The following SCRT2 variants were observed in gnomAD, a reference collection of about 807,000 sequenced individuals.
SCRT2 encodes scratch family transcriptional repressor 2.
SCRT2 carries 2 observed loss-of-function variants against 3.7 expected under a neutral mutation model. The observed-to-expected ratio is 0.54, with a 90% confidence interval of 0.22 to 1.70. The LOEUF is 1.70. Ranked by LOEUF, SCRT2 falls within the 40% of genes most tolerant of loss-of-function variation. The pLI, the probability that SCRT2 is intolerant of heterozygous loss-of-function variation, is 0.19. For missense variants in SCRT2, 456 were observed against 468.5 expected, an observed-to-expected ratio of 0.97 and a Z score of 0.25; for synonymous variants, 256 against 220.6, an observed-to-expected ratio of 1.16 and a Z score of -1.42.
chr20:668,491 C>G (rs537208753), intron 1 of SCRT2, among the ~76,000 whole-genome samples: 42 of 152,166 alleles, frequency 2.8e-4, no homozygotes, highest in Non-Finnish European at 5.7e-4. Context: ...AAAAGAGAAT[C>G]TCAGGTGAGA....
chr20:664,404 A>C lies in SCRT2; in HGVS notation c.191T>G (p.Leu64Arg). ...SSYDADQKPG[L>R]ELAPAEPAYP... ...CGCGGGCTCGGCCGGGGCCAGCTCC[A>C]GGCCCGGCTTCTGGTCCGCATCGTA... is the stretch of plus-strand genomic sequence containing the variant. The change falls in exon 2 of 2, where the codon CTG becomes CGG. Residue 64 changes from leucine to arginine, a missense_variant. By Grantham distance (102) the Leu-to-Arg change is moderately radical. Coordinates refer to ENST00000246104, the MANE Select transcript of SCRT2 (RefSeq NM_033129.4). The surrounding 1 kb of genome is among the most constrained non-coding windows in gnomAD (Gnocchi z 7.9). 7.2e-7 allele frequency: 1 copy of C among 1,380,452 alleles called. No homozygotes were observed. The highest frequency in any genetic ancestry group is 9.5e-7 in the Non-Finnish European group (1 of 1,055,526). The allele number at this position is 1,380,452 out of a possible 1,614,324, so 85.5% of individuals were successfully genotyped here.
chr20:675,046 C>T lies in SCRT2; in HGVS notation c.133+423G>A, dbSNP rs1984482950. On this transcript the variant is annotated intron_variant, in intron 1 of 1. Transcript: ENST00000246104. The surrounding 1 kb of genome is among the most constrained non-coding windows in gnomAD (Gnocchi z 6.9). ...GGAACCAACCCTGTCTCTCCAGGGA[C>T]TGAACATCCAGGGCTCTTTACCTTC... is the stretch of plus-strand genomic sequence containing the variant. Among the ~76,000 whole-genome samples, 1 of 152,134 alleles carries T rather than the reference C, an allele frequency of 6.6e-6. No homozygotes were observed. Among genetic ancestry groups the T allele is most frequent in the East Asian group, 1.9e-4 (1 of 5,178 alleles).
intron 1 of SCRT2, among the ~76,000 whole-genome samples, chr20:673,393 G>C (rs1984408487): frequency 6.6e-6 from 1 of 152,242 alleles, no homozygotes; most frequent in Non-Finnish European, 1.5e-5. Context: ...CTCTTTCACT[G>C]CTGGGGAGGC....
Position 664,409 on chromosome 20 carries a change from C to G in SCRT2, c.186G>C (p.Pro62=). Residue 62 remains proline, a synonymous_variant, in exon 2 of 2, where the codon CCG becomes CCC. Coordinates refer to ENST00000246104, the MANE Select transcript of SCRT2 (RefSeq NM_033129.4). The surrounding 1 kb of genome is among the most constrained non-coding windows in gnomAD (Gnocchi z 7.9). ...PPSSYDADQK[P]GLELAPAEPA... is the part of the protein sequence containing the mutation. Reference sequence around the variant, plus strand: ...GCTCGGCCGGGGCCAGCTCCAGGCCCGGCTTCTGGTCCGCATCGTAGCTGC... The same window carrying G: ...GCTCGGCCGGGGCCAGCTCCAGGCCGGGCTTCTGGTCCGCATCGTAGCTGC... 3 of 1,372,298 alleles carry G rather than the reference C, an allele frequency of 2.2e-6. No homozygotes were observed. Among genetic ancestry groups the G allele is most frequent in the Non-Finnish European group, 2.9e-6 (3 of 1,051,566 alleles). 85.0% of individuals were successfully genotyped at this position (1,372,298 alleles called of 1,614,324 possible). A position where few individuals can be genotyped will look rare whatever the true frequency, so the allele number is the denominator to read the frequency against.
intron 1 of SCRT2, among the ~76,000 whole-genome samples, chr20:671,869 A>C (rs955364450): frequency 6.6e-6 from 1 of 152,144 alleles, no homozygotes; most frequent in Non-Finnish European, 1.5e-5. Context: ...GCCTGGCTCC[A>C]AGCTGGGGTT....
At position 664,099 on chromosome 20, in the gene SCRT2, T is replaced by A; in HGVS notation, c.496A>T (p.Thr166Ser). The A allele has an allele frequency of 1.9e-6, 3 of 1,607,888 alleles. No homozygotes were observed. Among genetic ancestry groups the A allele is most frequent in the Non-Finnish European group, 2.5e-6 (3 of 1,178,914 alleles). The stretch of plus-strand genomic sequence containing the variant: ...TTGTGGCGGCTCAGGTTCGACGACG[T>A]GGCGTAGGTCTTGCCGCACTCGGCG... ...ACAECGKTYA[T>S]SSNLSRHKQT... Residue 166 changes from threonine (T) to serine (S), a missense_variant, in exon 2 of 2, where the codon ACG becomes TCG. Physicochemically the swap from Thr to Ser is moderately conservative, Grantham distance 58. Transcript: ENST00000246104. The surrounding 1 kb of genome is among the most constrained non-coding windows in gnomAD (Gnocchi z 7.9).
At chr20:668,921 C>G (rs1568655010) in intron 1 of SCRT2, among the ~76,000 whole-genome samples, 1 of 152,168 alleles carries the variant, frequency 6.6e-6, no homozygotes. Context: ...TCCCTGTGAG[C>G]CAGACATTGC....
Position 675,698 on chromosome 20 carries a change from G to T in SCRT2, c.-97C>A. ...TTCAGCACTGGACAGCTCCCAGCGG[G>T]CTGGAGCGCGGGAGGCCGCTCGGAG... On this transcript the variant is annotated 5_prime_UTR_variant, in exon 1 of 2. Coordinates refer to ENST00000246104, the MANE Select transcript of SCRT2 (RefSeq NM_033129.4). The surrounding 1 kb of genome is among the most constrained non-coding windows in gnomAD (Gnocchi z 6.9). 2 of 958,246 alleles carry T rather than the reference G, an allele frequency of 2.1e-6. No homozygotes were observed. Among genetic ancestry groups the T allele is most frequent in the Non-Finnish European group, 2.7e-6 (2 of 746,292 alleles). The allele number at this position is 958,246 out of a possible 1,614,324, so 59.4% of individuals were successfully genotyped here.
In SCRT2 at chr20:664,515, C is replaced by G. The variant is rs913308576; in HGVS notation, c.134-54G>C. 35 of 1,180,734 alleles carry G rather than the reference C, an allele frequency of 3.0e-5. No homozygotes were observed. The highest frequency in any genetic ancestry group is 8.4e-5 in the Admixed American group (2 of 23,730). 73.1% of individuals were successfully genotyped at this position (1,180,734 alleles called of 1,614,324 possible). A position where few individuals can be genotyped will look rare whatever the true frequency, so the allele number is the denominator to read the frequency against. On this transcript the variant is annotated intron_variant, in intron 1 of 1. Coordinates refer to ENST00000246104, the MANE Select transcript of SCRT2 (RefSeq NM_033129.4). The surrounding 1 kb of genome is among the most constrained non-coding windows in gnomAD (Gnocchi z 7.9). ...TGAGAGGAGGCGCCGAAGAGGGTTT[C>G]CCGCTTTGAGCGCGTCACCCTTTGC...
In SCRT2 at chr20:664,103, G is replaced by T; in HGVS notation, c.492C>A (p.Tyr164Ter). 6.2e-7 allele frequency: 1 copy of T among 1,606,476 alleles called. No homozygotes were observed. The highest frequency in any genetic ancestry group is 8.5e-7 in the Non-Finnish European group (1 of 1,178,632). ...GGCGGCTCAGGTTCGACGACGTGGC[G>T]TAGGTCTTGCCGCACTCGGCGCACG... is the stretch of plus-strand genomic sequence containing the variant. ...RHACAECGKT[Y>*]ATSSNLSRHK... is the part of the protein sequence containing the mutation. The change falls in exon 2 of 2, where the codon TAC (tyrosine) becomes TAA (stop). Residue 164 changes from tyrosine (Y) to a stop codon, truncating the protein, a stop_gained. Transcript: ENST00000246104. LOFTEE classifies it low-confidence loss of function (END_TRUNC). The surrounding 1 kb of genome is among the most constrained non-coding windows in gnomAD (Gnocchi z 7.9).
intron 1 of SCRT2, among the ~76,000 whole-genome samples, chr20:668,037 G>A (rs1407089248): frequency 3.3e-5 from 5 of 152,136 alleles, no homozygotes; most frequent in Admixed American, 2.0e-4. Flanking sequence ...GCAACCTTGG[G>A]CAAGTTACTT....
chr20:669,290 C>T (rs1411143069), intron 1 of SCRT2, among the ~76,000 whole-genome samples: 2 of 152,202 alleles, frequency 1.3e-5, no homozygotes, highest in African/African-American at 2.4e-5. Context: ...GCTTTGTGCA[C>T]ATTAGCTCAT....
Position 664,408 on chromosome 20 carries a change from C to T in SCRT2, c.187G>A (p.Gly63Ser). The T allele has an allele frequency of 1.5e-6, 2 of 1,375,456 alleles. No individual in the cohort carries two copies. The highest frequency in any genetic ancestry group is 1.9e-6 in the Non-Finnish European group (2 of 1,053,062). The allele number at this position is 1,375,456 out of a possible 1,614,324, so 85.2% of individuals were successfully genotyped here. Residue 63 changes from glycine (G) to serine (S), a missense_variant, in exon 2 of 2, where the codon GGC becomes AGC. Physicochemically the swap from Gly to Ser is moderately conservative, Grantham distance 56. Around this residue, in one of 3 missense-constraint regions of SCRT2, gnomAD observed 306 missense variants for 305.3 expected, o/e 1.00. Transcript: ENST00000246104. This position sits in a 1 kb window ranked among gnomAD's most constrained non-coding sequence, Gnocchi z 7.9. ...GGCTCGGCCGGGGCCAGCTCCAGGC[C>T]CGGCTTCTGGTCCGCATCGTAGCTG... ...PSSYDADQKP[G>S]LELAPAEPAY...
chr20:670,584 G>C (rs1984302356), intron 1 of SCRT2, among the ~76,000 whole-genome samples: 1 of 152,240 alleles, frequency 6.6e-6, no homozygotes, highest in South Asian at 2.1e-4. Flanking sequence ...CTTTGGGCAA[G>C]TCACGGCCTC....
In SCRT2 at chr20:663,856, T is replaced by G; in HGVS notation, c.739A>C (p.Lys247Gln). The G allele has an allele frequency of 1.9e-6, 3 of 1,598,160 alleles. No homozygotes were observed. Among genetic ancestry groups the G allele is most frequent in the Non-Finnish European group, 2.6e-6 (3 of 1,174,696 alleles). Residue 247 changes from lysine to glutamine, a missense_variant, in exon 2 of 2, where the codon AAG becomes CAG. Lys to Gln is a moderately conservative substitution (Grantham distance 53). Around this residue, in one of 3 missense-constraint regions of SCRT2, gnomAD observed 144 missense variants for 141.9 expected, o/e 1.01. Coordinates refer to ENST00000246104, the MANE Select transcript of SCRT2 (RefSeq NM_033129.4). This position sits in a 1 kb window ranked among gnomAD's most constrained non-coding sequence, Gnocchi z 6.9. ...EKPFGCAHCG[K>Q]AFADRSNLRA... ...AGGTTGGAGCGGTCGGCGAAGGCCT[T>G]GCCGCAGTGCGCGCAGCCGAACGGC...
At chr20:672,525 G>A (rs1259977334) in intron 1 of SCRT2, among the ~76,000 whole-genome samples, 5 of 151,768 alleles carry the variant, frequency 3.3e-5, no homozygotes, top group Admixed American at 3.3e-4. Flanking sequence ...TTTAATTTGG[G>A]GTTCTGCATC....
intron 1 of SCRT2, among the ~76,000 whole-genome samples, chr20:674,399 TCACACACACACACACACACACACA>T (rs57092015): frequency 9.4e-6 from 1 of 106,732 alleles, no homozygotes; most frequent in African/African-American, 4.0e-5. Flanking sequence ...TCTCTCTCTC[TCACACACACACACACACACACACA>T]CACACACACA....
At chr20:674,237 A>G (rs1984436648) in intron 1 of SCRT2, among the ~76,000 whole-genome samples, 1 of 151,946 alleles carries the variant, frequency 6.6e-6, no homozygotes, top group Non-Finnish European at 1.5e-5. Flanking sequence ...AATGTGGGTG[A>G]AGTGCTTGGA....
Position 675,757 on chromosome 20 carries a change from C to CGGGCTT in SCRT2, c.-162_-157dup. Reference sequence around the variant, plus strand: ...GGTGGCGGCGGCCCCGGCTCGGGCTCGGGCTTGGCGGCGGCGGCGCGCAGA... The same window carrying CGGGCTT: ...GGTGGCGGCGGCCCCGGCTCGGGCTCGGGCTTGGGCTTGGCGGCGGCGGCGCGCAGA... On this transcript the variant is annotated 5_prime_UTR_variant, in exon 1 of 2. Coordinates refer to ENST00000246104, the MANE Select transcript of SCRT2 (RefSeq NM_033129.4). This position sits in a 1 kb window ranked among gnomAD's most constrained non-coding sequence, Gnocchi z 6.9. 3.2e-6 allele frequency: 1 copy of CGGGCTT among 313,246 alleles called. No homozygotes were observed. The highest frequency in any genetic ancestry group is 5.1e-6 in the Non-Finnish European group (1 of 196,194). The allele number at this position is 313,246 out of a possible 1,614,324, so 19.4% of individuals were successfully genotyped here.
Sources: allele counts gnomAD v4.1 joint callset (sites outside exome capture counted in the v4.1 genomes callset), GRCh38; gene constraint gnomAD v4.1.1; regional missense constraint gnomAD v4.1.1; non-coding constraint Gnocchi (gnomAD v3.1); transcripts MANE v1.5; gene names NCBI Gene and HGNC (gene_info 2026-07-23, HGNC 2026-07-21).